Variants in MTMR7 observed in about 807,000 individuals in gnomAD.
MTMR7 encodes the protein myotubularin related protein 7.
In MTMR7, 76 loss-of-function variants were observed where a neutral mutation model predicts 81.2. The observed-to-expected ratio is 0.94, with a 90% confidence interval of 0.78 to 1.13. The LOEUF (loss-of-function observed/expected upper bound fraction) is 1.13. Among genes scored for constraint, MTMR7 ranks in the 50% most tolerant of loss-of-function variants. The probability of loss-of-function intolerance (pLI) is 0.00; values close to 1 mark genes in which losing one functional copy is unlikely to be tolerated. For missense variants in MTMR7, 1,044 were observed against 820.0 expected (o/e 1.27, Z -3.34); for synonymous variants, 372 against 289.8 (o/e 1.28, Z -2.88).
intron 1 of MTMR7, among the ~76,000 whole-genome samples, chr8:17,402,547 A>G (rs1340222779): frequency 6.6e-6 from 1 of 152,218 alleles, no homozygotes; most frequent in African/African-American, 2.4e-5. Context: ...TTCACTTAGC[A>G]CAATGACCTT....
intron 9 of MTMR7, among the ~76,000 whole-genome samples, chr8:17,309,720 T>G (rs1817681642): frequency 6.6e-6 from 1 of 152,272 alleles, no homozygotes; most frequent in African/African-American, 2.4e-5. Context: ...GAGACCCCAC[T>G]TCACAGCCCA....
At chr8:17,344,484 G>A (rs1245744849) in intron 5 of MTMR7, among the ~76,000 whole-genome samples, 3 of 152,096 alleles carry the variant, frequency 2.0e-5, no homozygotes, top group Admixed American at 6.5e-5. Flanking sequence ...GGTGGTGCAC[G>A]CCTGTAATCC....
intron 6 of MTMR7, among the ~76,000 whole-genome samples, chr8:17,335,723 A>G (rs1218974397): frequency 2.6e-5 from 4 of 152,192 alleles, no homozygotes; most frequent in Non-Finnish European, 5.9e-5. Context: ...ATTCCTTGCA[A>G]CTATTCTCTA....
At chr8:17,409,265 T>A (rs948318711) in intron 1 of MTMR7, among the ~76,000 whole-genome samples, 3 of 151,994 alleles carry the variant, frequency 2.0e-5, no homozygotes, top group Admixed American at 1.3e-4. Context: ...TCAAGACCAG[T>A]CTGGCCAACA....
chr8:17,334,140 C>G (rs147221262), intron 6 of MTMR7, among the ~76,000 whole-genome samples: 1 of 152,240 alleles, frequency 6.6e-6, no homozygotes, highest in African/African-American at 2.4e-5. Context: ...TCAGAATGAA[C>G]AGAAGGTGGC....
At chr8:17,325,125 C>T (rs953834266) in intron 7 of MTMR7, among the ~76,000 whole-genome samples, 5 of 151,982 alleles carry the variant, frequency 3.3e-5, no homozygotes, top group African/African-American at 9.7e-5. Flanking sequence ...ACATCGGAAC[C>T]GACAGCCACA....
intron 1 of MTMR7, among the ~76,000 whole-genome samples, chr8:17,380,869 G>A (rs1012884064): frequency 3.9e-5 from 6 of 152,136 alleles, no homozygotes; most frequent in Admixed American, 1.3e-4. Context: ...AAATTATACT[G>A]TAAAACTATA....
chr8:17,324,871 G>C (rs979039900), intron 7 of MTMR7, among the ~76,000 whole-genome samples: 2 of 152,110 alleles, frequency 1.3e-5, no homozygotes, highest in African/African-American at 4.8e-5. Context: ...ATTAATAATG[G>C]TTAAAAACTG....
At chr8:17,382,500 G>A (rs569052302) in intron 1 of MTMR7, among the ~76,000 whole-genome samples, 7 of 150,020 alleles carry the variant, frequency 4.7e-5, no homozygotes, top group Non-Finnish European at 7.4e-5. Flanking sequence ...TTGATGAAGC[G>A]TCTTGCTGTA....
intron 6 of MTMR7, among the ~76,000 whole-genome samples, chr8:17,337,053 C>T (rs1819262873): frequency 6.6e-6 from 1 of 152,080 alleles, no homozygotes; most frequent in African/African-American, 2.4e-5. Flanking sequence ...TCCTAACTTG[C>T]CAGGATTCTT....
chr8:17,304,579 T>C (rs1817329341), intron 11 of MTMR7, 60 bp from the exon 12 acceptor site: 10 of 1,536,872 alleles, frequency 6.5e-6, no homozygotes, highest in Admixed American at 3.5e-5. Context: ...ACAGTAGATA[T>C]GTTATATTAA....
chr8:17,375,423 G>A (rs1820553357), intron 1 of MTMR7, among the ~76,000 whole-genome samples: 1 of 151,286 alleles, frequency 6.6e-6, no homozygotes, highest in Admixed American at 6.6e-5. Flanking sequence ...ACTTGTGAAA[G>A]TCTATGTATG....
chr8:17,319,011 C>T (rs1342552419), intron 7 of MTMR7, among the ~76,000 whole-genome samples: 1 of 152,242 alleles, frequency 6.6e-6, no homozygotes, highest in African/African-American at 2.4e-5. Flanking sequence ...AGGGATTTCA[C>T]ATTAGCTTAC....
chr8:17,364,700 G>A (rs1820171867), intron 3 of MTMR7, among the ~76,000 whole-genome samples: 1 of 152,144 alleles, frequency 6.6e-6, no homozygotes, highest in African/African-American at 2.4e-5. Flanking sequence ...TTTTCACTCA[G>A]CATAATGCTC....
chr8:17,393,052 T>C (rs1821151674), intron 1 of MTMR7, among the ~76,000 whole-genome samples: 1 of 152,128 alleles, frequency 6.6e-6, no homozygotes, highest in South Asian at 2.1e-4. Flanking sequence ...ATAATCAAGA[T>C]TGTGTGGTAT....
intron 4 of MTMR7, among the ~76,000 whole-genome samples, chr8:17,351,047 C>A (rs1819714462): frequency 6.6e-6 from 1 of 152,178 alleles, no homozygotes; most frequent in Admixed American, 6.5e-5. Flanking sequence ...ATGAAGTCAG[C>A]CAGCTAGAAG....
intron 6 of MTMR7, among the ~76,000 whole-genome samples, chr8:17,337,884 G>T (rs116435841): frequency 3.0e-3 from 455 of 152,284 alleles, no homozygotes; most frequent in African/African-American, 0.01. Flanking sequence ...CATCTGAACA[G>T]GCAGCTCTGG....
intron 12 of MTMR7, among the ~76,000 whole-genome samples, chr8:17,303,863 G>A (rs186641402): frequency 6.6e-5 from 10 of 152,232 alleles, no homozygotes; most frequent in Admixed American, 6.5e-4. Flanking sequence ...ACCCGCCTCG[G>A]CTAATACATA....
At position 17,331,267 on chromosome 8, in the gene MTMR7, T is replaced by C. The variant is rs1431964369; in HGVS notation, c.748A>G (p.Asn250Asp). The change falls in exon 7 of 14, where the codon AAT becomes GAT. Residue 250 changes from asparagine (N) to aspartate (D), a missense_variant. Transcript: ENST00000180173. ...TCATAGCCTTTCCCTGCAGCACGATTTGCCATTGCATTAAGCTGCAGTGGT... is the reference window on the plus strand; with the variant it reads ...TCATAGCCTTTCCCTGCAGCACGATCTGCCATTGCATTAAGCTGCAGTGGT... ...DTRPKLNAMA[N>D]RAAGKGYENE... The C allele has an allele frequency of 5.0e-6, 8 of 1,608,254 alleles. No homozygotes were observed. Among genetic ancestry groups the C allele is most frequent in the Non-Finnish European group, 6.8e-6 (8 of 1,178,308 alleles).
Sources: allele counts gnomAD v4.1 joint callset (sites outside exome capture counted in the v4.1 genomes callset), GRCh38; gene constraint gnomAD v4.1.1; transcripts MANE v1.5; gene names NCBI Gene and HGNC (gene_info 2026-07-23, HGNC 2026-07-21).